Variants in TLK1 observed in about 807,000 individuals in gnomAD.
TLK1 encodes serine/threonine-protein kinase tousled-like 1.
TLK1 carries 24 observed loss-of-function variants against 105.3 expected under a neutral mutation model. That is an observed-to-expected ratio of 0.23 (90% CI 0.17 to 0.32). The LOEUF is 0.32. Among genes scored for constraint, TLK1 ranks in the 10% least tolerant of loss-of-function variants. The pLI, the probability that TLK1 is intolerant of heterozygous loss-of-function variation, is 1.00. For synonymous variants in TLK1, 321 were observed against 310.4 expected (o/e 1.03, Z -0.36); for missense variants, 558 against 910.5 (o/e 0.61, Z 4.98).
At chr2:170,994,483 AT>A (rs907534594) in intron 20 of TLK1, among the ~76,000 whole-genome samples, 42 of 134,898 alleles carry the variant, frequency 3.1e-4, no homozygotes, top group Admixed American at 9.5e-4. Context: ...TATAATCACT[AT>A]TTTTTTTTTC....
chr2:171,075,094 A>G (rs1286551826), intron 3 of TLK1, among the ~76,000 whole-genome samples: 1 of 152,120 alleles, frequency 6.6e-6, no homozygotes, highest in Non-Finnish European at 1.5e-5. Flanking sequence ...GAAAATGTTA[A>G]CAAAACTTAA....
chr2:171,096,455 T>A (rs1331578939), intron 2 of TLK1, among the ~76,000 whole-genome samples: 1 of 151,748 alleles, frequency 6.6e-6, no homozygotes, highest in Non-Finnish European at 1.5e-5. Flanking sequence ...ATAAAAAAAA[T>A]TTAAGAATAA....
At chr2:171,017,034 T>C (rs1198726726) in intron 12 of TLK1, among the ~76,000 whole-genome samples, 1 of 152,168 alleles carries the variant, frequency 6.6e-6, no homozygotes, top group Non-Finnish European at 1.5e-5. Context: ...ATTTTTAATT[T>C]TAATTTTAAA....
At chr2:171,052,350 G>C (rs1032721770) in intron 8 of TLK1, among the ~76,000 whole-genome samples, 3 of 152,132 alleles carry the variant, frequency 2.0e-5, no homozygotes, top group Non-Finnish European at 4.4e-5. Context: ...CCTGTACTCT[G>C]GCTATGTCTT....
At chr2:171,199,914 G>A (rs1459784110) in intron 1 of TLK1, among the ~76,000 whole-genome samples, 1 of 152,162 alleles carries the variant, frequency 6.6e-6, no homozygotes, top group Non-Finnish European at 1.5e-5. Flanking sequence ...AAAAAAAGAA[G>A]CTTTCCCACA....
Position 171,096,218 on chromosome 2 carries a change from G to A in TLK1, c.259-13366C>T, listed in dbSNP as rs549063672. Among the ~76,000 whole-genome samples the A allele has an allele frequency of 2.6e-5, 4 of 152,232 alleles. No homozygotes were observed. In the South Asian group the frequency reaches 8.3e-4, roughly 32 times the overall value. On this transcript the variant is annotated intron_variant, in intron 2 of 20. Transcript: ENST00000431350. ...AAATCAACATACAAAAATCAGTTGT[G>A]GAAGGGCATGGTGGCTCATGCCTGT... is the stretch of plus-strand genomic sequence containing the variant.
At chr2:171,035,530 G>A (rs111487140) in intron 11 of TLK1, among the ~76,000 whole-genome samples, 7 of 152,212 alleles carry the variant, frequency 4.6e-5, no homozygotes, top group African/African-American at 1.2e-4. Flanking sequence ...TATCAGCAGC[G>A]TGAAAGCAAA....
chr2:171,024,909 G>C (rs1022293502), intron 12 of TLK1, among the ~76,000 whole-genome samples: 1 of 152,140 alleles, frequency 6.6e-6, no homozygotes, highest in African/African-American at 2.4e-5. Flanking sequence ...TTAAACTTGG[G>C]AACAACTATA....
At chr2:171,069,455 T>C (rs1306586485) in intron 3 of TLK1, among the ~76,000 whole-genome samples, 1 of 152,182 alleles carries the variant, frequency 6.6e-6, no homozygotes, top group Non-Finnish European at 1.5e-5. Flanking sequence ...AGAGATGGTA[T>C]TTGGCAATAC....
chr2:171,183,793 T>C (rs568291832), intron 1 of TLK1, among the ~76,000 whole-genome samples: 6 of 152,344 alleles, frequency 3.9e-5, no homozygotes, highest in African/African-American at 1.4e-4. Flanking sequence ...TTAGTTTTGA[T>C]GTTTAGATCT....
At chr2:171,009,749 A>T (rs1261861327) in intron 14 of TLK1, among the ~76,000 whole-genome samples, 1 of 152,240 alleles carries the variant, frequency 6.6e-6, no homozygotes, top group Non-Finnish European at 1.5e-5. Context: ...TCAGACAGGG[A>T]TTTAAATAAG....
chr2:171,006,419 G>C, intron 17 of TLK1, 55 bp downstream of exon 17: 15 of 1,505,868 alleles, frequency 1.0e-5, no homozygotes, highest in Non-Finnish European at 1.3e-5. Flanking sequence ...CTTAATGAAT[G>C]ACTTTTAAAA....
At chr2:171,001,323 ATT>A (rs2105355828) in intron 18 of TLK1, among the ~76,000 whole-genome samples, 1 of 152,066 alleles carries the variant, frequency 6.6e-6, no homozygotes, top group East Asian at 1.9e-4. Flanking sequence ...TGAATTAGAT[ATT>A]GTTGTGTTTG....
intron 2 of TLK1, among the ~76,000 whole-genome samples, chr2:171,093,356 T>G (rs1450506893): frequency 6.6e-6 from 1 of 152,148 alleles, no homozygotes; most frequent in African/African-American, 2.4e-5. Flanking sequence ...TTTGGGCAAT[T>G]AGATGGAATG....
chr2:171,134,105 T>C (rs996234243), intron 1 of TLK1, among the ~76,000 whole-genome samples: 1 of 152,238 alleles, frequency 6.6e-6, no homozygotes, highest in Non-Finnish European at 1.5e-5. Context: ...AACAGTTCTC[T>C]AAATTTATCT....
chr2:171,148,438 T>A (rs889197798), intron 1 of TLK1, among the ~76,000 whole-genome samples: 2 of 152,078 alleles, frequency 1.3e-5, no homozygotes, highest in Non-Finnish European at 2.9e-5. Context: ...TTTGTCATTG[T>A]TGCTCTTGGT....
intron 11 of TLK1, among the ~76,000 whole-genome samples, chr2:171,039,296 C>T (rs1399537946): frequency 3.3e-5 from 5 of 152,156 alleles, no homozygotes; most frequent in African/African-American, 4.8e-5. Context: ...ACAGAGATCT[C>T]ACTCTGTCAC....
rs143947220 is a variant in TLK1 at position 171,212,841 on chromosome 2, T to A, written c.-6+18304A>T. Among the ~76,000 whole-genome samples, 24 of 152,238 alleles carry A rather than the reference T, an allele frequency of 1.6e-4. No individual in the cohort carries two copies. The East Asian group carries it at 4.6e-3, about 29-fold the overall frequency. On this transcript the variant is annotated intron_variant, in intron 1 of 20. Transcript: ENST00000521943. Reference sequence around the variant, plus strand: ...ATGATTGTACACAGCATTTTAGTTTTAGTGCTCTGTGCACATGAAGAAATA... The same window carrying A: ...ATGATTGTACACAGCATTTTAGTTTAAGTGCTCTGTGCACATGAAGAAATA...
chr2:171,134,559 T>C (rs1691227994), intron 1 of TLK1, among the ~76,000 whole-genome samples: 1 of 152,042 alleles, frequency 6.6e-6, no homozygotes, highest in African/African-American at 2.4e-5. Flanking sequence ...CATTTCTATA[T>C]ATCCAAAGAA....
Sources: gnomAD v4.1 joint callset for allele counts (sites outside exome capture counted in the v4.1 genomes callset) on GRCh38, gnomAD v4.1.1 for gene constraint, MANE v1.5 for transcripts, NCBI Gene and HGNC (gene_info 2026-07-23, HGNC 2026-07-21) for gene names.